Variants in TTC28 observed in about 807,000 individuals in gnomAD.
TTC28 encodes the protein tetratricopeptide repeat domain 28, also known as tetratricopeptide repeat protein 28.
TTC28 carries 61 observed loss-of-function variants against 198.0 expected under a neutral mutation model. The ratio of observed to expected loss-of-function variants is 0.31; its 90% CI spans 0.25 to 0.38. TTC28 has a LOEUF of 0.38. Among genes scored for constraint, TTC28 ranks in the 10% least tolerant of loss-of-function variants. The pLI is 1.00. For synonymous variants in TTC28, 1,171 were observed against 1,297.8 expected (o/e 0.90, Z 2.10); for missense variants, 2,678 against 3,164.0 (o/e 0.85, Z 3.69).
At chr22:28,038,464 A>G (rs1394459340) in intron 12 of TTC28, among the ~76,000 whole-genome samples, 1 of 152,240 alleles carries the variant, frequency 6.6e-6, no homozygotes, top group Non-Finnish European at 1.5e-5. Flanking sequence ...CTGGCTAGCC[A>G]TATGTAGAAA....
intron 2 of TTC28, among the ~76,000 whole-genome samples, chr22:28,485,007 A>G (rs1010425797): frequency 6.6e-6 from 1 of 152,174 alleles, no homozygotes; most frequent in Non-Finnish European, 1.5e-5. Flanking sequence ...GTTTTCTCCC[A>G]TGATATTATG....
chr22:27,998,985 G>T lies in TTC28; in HGVS notation c.4674C>A (p.Leu1558=), dbSNP rs1193259878. 14 of 1,550,550 alleles carry T rather than the reference G, an allele frequency of 9.0e-6. No homozygotes were observed. The highest frequency in any genetic ancestry group is 1.4e-5 in the African/African-American group (1 of 73,046). The change falls in exon 16 of 23, where the codon CTC becomes CTA. Residue 1558 remains leucine, a synonymous_variant. Transcript: ENST00000397906. The part of the protein sequence containing the change: ...HISWKLSALV[L]TPSMDGNPAS... The stretch of plus-strand genomic sequence containing the variant: ...CAGGGTTGCCGTCCATGCTGGGCGT[G>T]AGGACCAAGGCCGACAGCTTCCAGG...
At chr22:28,012,913 C>T (rs746225435) in intron 14 of TTC28, among the ~76,000 whole-genome samples, 1 of 152,166 alleles carries the variant, frequency 6.6e-6, no homozygotes, top group Non-Finnish European at 1.5e-5. Flanking sequence ...GGGGAAGCAG[C>T]TTTGCCATTG....
chr22:28,165,016 A>C (rs1340771521), intron 5 of TTC28, among the ~76,000 whole-genome samples: 1 of 152,230 alleles, frequency 6.6e-6, no homozygotes, highest in African/African-American at 2.4e-5. Context: ...ATGGCATGAG[A>C]ACTACGTGAT....
intron 3 of TTC28, among the ~76,000 whole-genome samples, chr22:28,299,582 A>G (rs373514195): frequency 6.6e-6 from 1 of 152,228 alleles, no homozygotes; most frequent in African/African-American, 2.4e-5. Flanking sequence ...CAAAAGCACA[A>G]TACCATAATG....
intron 18 of TTC28, chr22:27,992,877 C>T (rs1252625795): frequency 1.8e-5 from 11 of 597,922 alleles, no homozygotes; most frequent in Non-Finnish European, 3.0e-5. Context: ...CTGACCCTGC[C>T]GCAGTCCTCT....
At chr22:28,363,090 A>C (rs1198075878) in intron 2 of TTC28, among the ~76,000 whole-genome samples, 1 of 152,184 alleles carries the variant, frequency 6.6e-6, no homozygotes, top group Non-Finnish European at 1.5e-5. Flanking sequence ...GGAAAATGTC[A>C]GCCCTGGAGA....
intron 2 of TTC28, among the ~76,000 whole-genome samples, chr22:28,458,205 C>T (rs1006020590): frequency 5.3e-5 from 8 of 151,924 alleles, no homozygotes; most frequent in Non-Finnish European, 8.8e-5. Context: ...GCTTAGAGTA[C>T]AATCCAAAAT....
At chr22:28,137,447 A>C (rs935982465) in intron 6 of TTC28, among the ~76,000 whole-genome samples, 2 of 152,180 alleles carry the variant, frequency 1.3e-5, no homozygotes, top group Admixed American at 6.5e-5. Flanking sequence ...AGTTAACTAC[A>C]TAATCACATC....
intron 5 of TTC28, among the ~76,000 whole-genome samples, chr22:28,207,918 C>T (rs561945115): frequency 1.1e-4 from 17 of 152,244 alleles, no homozygotes; most frequent in Admixed American, 3.9e-4. Context: ...TATGGCAGAA[C>T]TTGACTCGCA....
At chr22:28,586,987 C>G (rs968307202) in intron 2 of TTC28, among the ~76,000 whole-genome samples, 3 of 152,062 alleles carry the variant, frequency 2.0e-5, no homozygotes, top group African/African-American at 7.2e-5. Flanking sequence ...TTTGGGAGGC[C>G]AAGGCGGGCA....
chr22:28,496,972 C>G (rs1014971447), intron 2 of TTC28, among the ~76,000 whole-genome samples: 3 of 152,096 alleles, frequency 2.0e-5, no homozygotes, highest in Non-Finnish European at 4.4e-5. Context: ...CACTTTTACC[C>G]CCAGATATCT....
intron 2 of TTC28, among the ~76,000 whole-genome samples, chr22:28,449,938 C>T (rs191877911): frequency 8.2e-4 from 124 of 152,034 alleles, no homozygotes; most frequent in African/African-American, 2.8e-3. Context: ...TTTCACCATC[C>T]GTTAGAAAAA....
rs116396313 is a variant in TTC28 at position 28,286,624 on chromosome 22, C to T, written c.933+9574G>A. Among the ~76,000 whole-genome samples, 518 of 152,202 alleles carry T rather than the reference C, an allele frequency of 3.4e-3. 5 individuals are homozygous for T. Among genetic ancestry groups the T allele is most frequent in the African/African-American group, 0.012 (478 of 41,530 alleles). ...GTTTTTAAATCTTTTACATCAATAACTAATTCATACATTACTTATGTAATG... is the reference window on the plus strand; with the variant it reads ...GTTTTTAAATCTTTTACATCAATAATTAATTCATACATTACTTATGTAATG... On this transcript the variant is annotated intron_variant, in intron 5 of 22. Transcript: ENST00000397906.
At chr22:28,585,764 T>C (rs2050305627) in intron 2 of TTC28, among the ~76,000 whole-genome samples, 1 of 152,102 alleles carries the variant, frequency 6.6e-6, no homozygotes, top group Non-Finnish European at 1.5e-5. Flanking sequence ...CCAAAATTCA[T>C]TGTCTTAAAG....
At chr22:28,381,476 T>C (rs549747207) in intron 2 of TTC28, among the ~76,000 whole-genome samples, 1 of 152,264 alleles carries the variant, frequency 6.6e-6, no homozygotes, top group East Asian at 1.9e-4. Flanking sequence ...TCCCTATTAG[T>C]AGATGGTGCC....
intron 5 of TTC28, among the ~76,000 whole-genome samples, chr22:28,172,990 T>G (rs987146129): frequency 1.3e-5 from 2 of 152,334 alleles, no homozygotes; most frequent in South Asian, 4.1e-4. Context: ...CAGTAAACTA[T>G]AGAGTGCTCT....
chr22:28,677,298 A>C (rs2052013082), intron 1 of TTC28, among the ~76,000 whole-genome samples: 1 of 151,792 alleles, frequency 6.6e-6, no homozygotes, highest in African/African-American at 2.4e-5. Flanking sequence ...TTAATTTTCA[A>C]ACAATTCTAT....
intron 6 of TTC28, among the ~76,000 whole-genome samples, chr22:28,134,745 G>A (rs947785063): frequency 6.6e-6 from 1 of 151,952 alleles, no homozygotes; most frequent in Non-Finnish European, 1.5e-5. Flanking sequence ...AAGTGACGAG[G>A]AGAATGGAAC....
Sources: allele counts gnomAD v4.1 joint callset (sites outside exome capture counted in the v4.1 genomes callset), GRCh38; gene constraint gnomAD v4.1.1; transcripts MANE v1.5; gene names NCBI Gene and HGNC (gene_info 2026-07-23, HGNC 2026-07-21).